The following KANTR variants were observed in gnomAD, a reference collection of about 807,000 sequenced individuals.
KANTR encodes the protein KANTR integral membrane protein.
intron 2 of KANTR, among the ~76,000 whole-genome samples, chrX:53,139,826 AAAAAC>A (rs1365925757): frequency 3.6e-5 from 4 of 111,034 alleles, no homozygotes; most frequent in African/African-American, 9.9e-5. Flanking sequence ...CCCTGTTTTT[AAAAAC>A]AAAACAAAAG....
intron 2 of KANTR, among the ~76,000 whole-genome samples, chrX:53,136,731 T>TA (rs1491428007): frequency 1.4e-4 from 7 of 50,038 alleles, no homozygotes; most frequent in Admixed American, 3.0e-4. Flanking sequence ...TATATATATA[T>TA]TTTGTTTGTT....
chrX:53,105,463 G>A (rs1932937011), intron 2 of KANTR, among the ~76,000 whole-genome samples: 2 of 102,754 alleles, frequency 1.9e-5, no homozygotes, highest in African/African-American at 3.5e-5. Flanking sequence ...ATTGGATTAT[G>A]TGTCTTTTTA....
At chrX:53,106,648 C>A (rs1169259230) in intron 2 of KANTR, among the ~76,000 whole-genome samples, 1 of 109,812 alleles carries the variant, frequency 9.1e-6, no homozygotes, top group African/African-American at 3.4e-5. Context: ...GTGATCCTCT[C>A]ACCTCAGCCT....
At chrX:53,112,847 T>C (rs1020376192) in intron 2 of KANTR, among the ~76,000 whole-genome samples, 3 of 111,700 alleles carry the variant, frequency 2.7e-5, no homozygotes, top group Non-Finnish European at 5.6e-5. Context: ...TTCTCCTTCA[T>C]GAACTCTGTA....
At chrX:53,133,480 G>A (rs1416524852) in intron 2 of KANTR, among the ~76,000 whole-genome samples, 2 of 111,646 alleles carry the variant, frequency 1.8e-5, no homozygotes, top group African/African-American at 6.5e-5. Context: ...CTTCACTGAG[G>A]AGGAAACAGC....
intron 2 of KANTR, among the ~76,000 whole-genome samples, chrX:53,141,417 T>C (rs1376506095): frequency 8.9e-6 from 1 of 112,025 alleles, no homozygotes; most frequent in Non-Finnish European, 1.9e-5. Context: ...ATTTAAATAC[T>C]TTATTAGATT....
chrX:53,145,578 G>T (rs1465186398), downstream of KANTR, among the ~76,000 whole-genome samples: 2 of 112,236 alleles, frequency 1.8e-5, no homozygotes, highest in African/African-American at 6.5e-5. Flanking sequence ...TGGGGGCAGG[G>T]CATTGCCAAA....
chrX:53,125,044 A>G (rs868991168), exon 3 of KANTR: 1 of 111,693 alleles, frequency 9.0e-6, no homozygotes, highest in Non-Finnish European at 1.9e-5. Context: ...GGATTTGGCA[A>G]TTTCTCCTTG....
At chrX:53,117,707 G>A (rs1465370797) in intron 2 of KANTR, among the ~76,000 whole-genome samples, 1 of 91,980 alleles carries the variant, frequency 1.1e-5, no homozygotes, top group African/African-American at 4.2e-5. Context: ...TGTAACCTCC[G>A]CCTCCTGGGT....
At chrX:53,139,135 C>T (rs782095758) in intron 2 of KANTR, among the ~76,000 whole-genome samples, 4 of 108,255 alleles carry the variant, frequency 3.7e-5, no homozygotes, top group South Asian at 8.2e-4. Flanking sequence ...GCAGAAGAAT[C>T]GCTTGAACTC....
At chrX:53,139,063 T>C (rs935660435) in intron 2 of KANTR, among the ~76,000 whole-genome samples, 2 of 107,357 alleles carry the variant, frequency 1.9e-5, no homozygotes, top group South Asian at 4.2e-4. Context: ...CTACTAAAAA[T>C]ACAAAAAATT....
At chrX:53,117,542 C>T (rs1447326947) in intron 2 of KANTR, among the ~76,000 whole-genome samples, 1 of 105,787 alleles carries the variant, frequency 9.5e-6, no homozygotes, top group Non-Finnish European at 1.9e-5. Context: ...TTAACCAATA[C>T]ATTGTTTATT....
At chrX:53,113,909 T>C (rs1324986777) in intron 2 of KANTR, among the ~76,000 whole-genome samples, 1 of 103,056 alleles carries the variant, frequency 9.7e-6, no homozygotes, top group Non-Finnish European at 2.0e-5. Flanking sequence ...CAAAACAAAA[T>C]TTATTTTGAG....
rs1404558298 is a variant in KANTR, at chrX:53,103,428, T to G, written c.-805+3820T>G. Among the ~76,000 whole-genome samples the G allele has an allele frequency of 2.7e-5, 3 of 111,167 alleles. No individual in the cohort carries two copies. The Admixed American group carries it at 2.9e-4, about 11-fold the overall frequency. On this transcript the variant is annotated intron_variant, in intron 2 of 2. Coordinates refer to ENST00000604062, the Ensembl canonical transcript of KANTR. ...CCCTCAATCCCACTGGGACTGAACA[T>G]TTTCACTCCCTTTCACTTCCCCCAT...
At chrX:53,137,780 A>G (rs1197640027) in intron 2 of KANTR, among the ~76,000 whole-genome samples, 30 of 110,896 alleles carry the variant, frequency 2.7e-4, no homozygotes, top group Admixed American at 2.6e-3. Context: ...AAAAAAAAAA[A>G]AAAAATCTGT....
downstream of KANTR, among the ~76,000 whole-genome samples, chrX:53,144,648 A>G (rs1218403841): frequency 9.0e-6 from 1 of 111,007 alleles, no homozygotes; most frequent in Non-Finnish European, 1.9e-5. Flanking sequence ...GTCAGCTTAG[A>G]TTGCACCACT....
At chrX:53,115,539 C>T (rs1301106402) in intron 2 of KANTR, among the ~76,000 whole-genome samples, 8 of 111,490 alleles carry the variant, frequency 7.2e-5, no homozygotes, top group Non-Finnish European at 1.1e-4. Context: ...GCCTGGAGTG[C>T]GAGGCAGTGG....
intron 1 of KANTR, among the ~76,000 whole-genome samples, chrX:53,097,350 G>GTTTTTTTTTTTTTTTTT (rs781783647): frequency 2.9e-5 from 2 of 67,978 alleles, no homozygotes; most frequent in African/African-American, 5.3e-5. Flanking sequence ...TTTGTTTTAA[G>GTTTTTTTTTTTTTTTTT]TTTTTTTTTT....
At chrX:53,110,587 T>C (rs1933018843) in intron 2 of KANTR, among the ~76,000 whole-genome samples, 1 of 112,018 alleles carries the variant, frequency 8.9e-6, no homozygotes, top group Non-Finnish European at 1.9e-5. Context: ...TCTTTTCCTC[T>C]AGTGTCATTG....
Sources: allele counts gnomAD v4.1 joint callset (sites outside exome capture counted in the v4.1 genomes callset), GRCh38; gene constraint gnomAD v4.1.1; transcripts MANE v1.5; gene names NCBI Gene and HGNC (gene_info 2026-07-23, HGNC 2026-07-21).